NDC80: variants seen among roughly 807,000 people sequenced by gnomAD.
The protein encoded by NDC80 is NDC80 kinetochore complex component.
A neutral mutation model predicts 89.3 loss-of-function variants in NDC80; 69 were observed. That is an observed-to-expected ratio of 0.77 (90% CI 0.64 to 0.94). NDC80 has a LOEUF of 0.94. Among genes scored for constraint, NDC80 ranks in the 40% least tolerant of loss-of-function variants. NDC80 has a pLI of 0.00. For synonymous variants in NDC80, 243 were observed against 255.6 expected, an observed-to-expected ratio of 0.95 and a Z score of 0.47; for missense variants, 593 against 739.6, an observed-to-expected ratio of 0.80 and a Z score of 2.30.
chr18:2,601,328 A>G, intron 12 of NDC80, 68 bp from the exon 13 acceptor site: 1 of 640,734 alleles, frequency 1.6e-6, no homozygotes, highest in Non-Finnish European at 2.5e-6. Context: ...CACAGTGTGT[A>G]GATGCTTCAG....
In NDC80 at chr18:2,589,829, G is replaced by T. The variant is rs1245249672; in HGVS notation, c.871-189G>T. Among the ~76,000 whole-genome samples the T allele has an allele frequency of 2.1e-4, 27 of 130,766 alleles. 1 individual carries two copies. The highest frequency in any genetic ancestry group is 3.7e-3 in the Middle Eastern group (1 of 270). The allele number at this position is 130,766 out of a possible 152,430, so 85.8% of individuals were successfully genotyped here. A position where few individuals can be genotyped will look rare whatever the true frequency, so the allele number is the denominator to read the frequency against. ...TGCTTTTTCAACCCTAGCAATTGTG[G>T]TTTTTTTTTTTTTCTATTTCAAACT... On this transcript the variant is annotated intron_variant, in intron 9 of 16. Transcript: ENST00000261597.
intron 6 of NDC80, among the ~76,000 whole-genome samples, chr18:2,583,968 G>T (rs946097778): frequency 6.6e-6 from 1 of 152,076 alleles, no homozygotes; most frequent in Non-Finnish European, 1.5e-5. Flanking sequence ...TATACTTAGT[G>T]TTCATTATAC....
At chr18:2,603,189 A>G (rs2072692574) in intron 13 of NDC80, among the ~76,000 whole-genome samples, 1 of 151,982 alleles carries the variant, frequency 6.6e-6, no homozygotes, top group South Asian at 2.1e-4. Context: ...CATATGTAAT[A>G]GTTGAAGCCA....
intron 10 of NDC80, among the ~76,000 whole-genome samples, chr18:2,590,492 TC>T (rs2072622444): frequency 6.6e-6 from 1 of 152,164 alleles, no homozygotes; most frequent in African/African-American, 2.4e-5. Context: ...TATGTTCACA[TC>T]ACTCCGATCT....
chr18:2,605,408 A>G (rs963757981), intron 13 of NDC80, among the ~76,000 whole-genome samples: 4 of 152,072 alleles, frequency 2.6e-5, no homozygotes, highest in Admixed American at 1.3e-4. Flanking sequence ...TAATGCTGAC[A>G]TGGAAAGTAG....
intron 13 of NDC80, among the ~76,000 whole-genome samples, chr18:2,603,407 T>C (rs2072694985): frequency 7.8e-6 from 1 of 128,414 alleles, no homozygotes; most frequent in South Asian, 2.6e-4. Context: ...TAAGCCAAAG[T>C]AGGGAAAACT....
chr18:2,572,379 A>G (rs1049133129), intron 1 of NDC80, among the ~76,000 whole-genome samples: 1 of 152,172 alleles, frequency 6.6e-6, no homozygotes, highest in Non-Finnish European at 1.5e-5. Context: ...GTGGTTTGTA[A>G]ATGGAGGCAG....
rs1455991269 is a variant in NDC80 at position 2,590,167 on chromosome 18, G to A, written c.1015+5G>A. 1 of 1,581,928 alleles carries A rather than the reference G, an allele frequency of 6.3e-7. No homozygotes were observed. The highest frequency in any genetic ancestry group is 1.2e-5 in the South Asian group (1 of 84,934). The stretch of plus-strand genomic sequence containing the variant: ...ATGAGGAAATTGCTAGAGTAGGTAA[G>A]CAGAGCTAATGCTAAAAGACTGGGA... On this transcript the variant is annotated splice_donor_5th_base_variant and intron_variant, in intron 10 of 16. Transcript: ENST00000261597.
chr18:2,587,796 T>C (rs1208676652), intron 7 of NDC80, 34 bp from the exon 8 acceptor site: 5 of 1,536,948 alleles, frequency 3.3e-6, no homozygotes, highest in African/African-American at 2.7e-5. Context: ...TAGAGAATCA[T>C]AACTTTGTTT....
intron 10 of NDC80, among the ~76,000 whole-genome samples, chr18:2,593,285 C>T (rs1339878540): frequency 1.3e-5 from 2 of 151,934 alleles, no homozygotes; most frequent in African/African-American, 2.4e-5. Flanking sequence ...AACTCCTGAC[C>T]TCAGGTGATC....
At chr18:2,572,057 C>G (rs2677894) in intron 1 of NDC80, among the ~76,000 whole-genome samples, 106,565 of 152,062 alleles carry the variant, frequency 0.7, 37,529 homozygotes, top group Admixed American at 0.75. Context: ...GTGTAGAAGT[C>G]TTCATCTTAA....
At position 2,573,000 on chromosome 18, in the gene NDC80, A is replaced by C; in HGVS notation, c.15A>C (p.Ser5=). 1 of 1,613,948 alleles carries C rather than the reference A, an allele frequency of 6.2e-7. No individual in the cohort carries two copies. Residue 5 remains serine, a synonymous_variant, in exon 2 of 17, where the codon TCA becomes TCC. Transcript: ENST00000261597. ...AGGTCATAAGCATGAAGCGCAGTTCAGTTTCCAGCGGTGGTGCTGGCCGCC... is the reference window on the plus strand; with the variant it reads ...AGGTCATAAGCATGAAGCGCAGTTCCGTTTCCAGCGGTGGTGCTGGCCGCC... MKRS[S]VSSGGAGRLS...
At chr18:2,585,496 A>G (rs575649905) in intron 7 of NDC80, among the ~76,000 whole-genome samples, 122 of 152,332 alleles carry the variant, frequency 8.0e-4, no homozygotes, top group African/African-American at 2.7e-3. Flanking sequence ...TTTATTGAAT[A>G]CTATACTAAC....
intron 6 of NDC80, among the ~76,000 whole-genome samples, 170 bp from the exon 7 acceptor site, chr18:2,584,943 C>T (rs562134977): frequency 3.9e-5 from 6 of 152,098 alleles, no homozygotes; most frequent in East Asian, 1.9e-4. Context: ...TTGTTTTATT[C>T]GAAAGAAAGT....
intron 14 of NDC80, among the ~76,000 whole-genome samples, chr18:2,607,973 A>ATATATATATG (rs2072722562): frequency 2.8e-5 from 3 of 106,724 alleles, no homozygotes; most frequent in African/African-American, 6.6e-5. Context: ...TAGTATATAT[A>ATATATATATG]TATATATATA....
chr18:2,578,196 A>G (rs1320926763), intron 5 of NDC80, 55 bp downstream of exon 5: 8 of 1,489,660 alleles, frequency 5.4e-6, no homozygotes, highest in Non-Finnish European at 5.5e-6. Flanking sequence ...AGATGAAACA[A>G]ATTAAATCAA....
At chr18:2,574,922 T>C in intron 2 of NDC80, 67 bp from the exon 3 acceptor site, 3 of 1,008,324 alleles carry the variant, frequency 3.0e-6, no homozygotes, top group Non-Finnish European at 4.4e-6. Context: ...TTCTAATATA[T>C]TTCTAAAAGT....
At chr18:2,593,157 C>T (rs1482361504) in intron 10 of NDC80, among the ~76,000 whole-genome samples, 1 of 150,222 alleles carries the variant, frequency 6.7e-6, no homozygotes, top group Non-Finnish European at 1.5e-5. Flanking sequence ...TGGGTTCAAG[C>T]GATTTTCCTG....
intron 14 of NDC80, among the ~76,000 whole-genome samples, chr18:2,608,077 A>G (rs1031733186): frequency 6.8e-6 from 1 of 146,316 alleles, no homozygotes; most frequent in Non-Finnish European, 1.5e-5. Flanking sequence ...ATATCTTTGT[A>G]TATCTTTATG....
Sources: allele counts gnomAD v4.1 joint callset (sites outside exome capture counted in the v4.1 genomes callset), GRCh38; gene constraint gnomAD v4.1.1; transcripts MANE v1.5; gene names NCBI Gene and HGNC (gene_info 2026-07-23, HGNC 2026-07-21).